CAST: variants seen among roughly 807,000 people sequenced by gnomAD.
CAST encodes MIR583 host.
In CAST, 76 loss-of-function variants were observed where a neutral mutation model predicts 119.6. The ratio of observed to expected loss-of-function variants is 0.64; its 90% CI spans 0.53 to 0.77. CAST has a LOEUF of 0.77. Ranked by LOEUF, CAST falls within the 30% of genes least tolerant of loss-of-function variation. CAST has a pLI of 0.00. For missense variants in CAST, 953 were observed against 946.5 expected (o/e 1.01, Z -0.09); for synonymous variants, 319 against 331.6 (o/e 0.96, Z 0.41).
chr5:96,371,786 T>C, the CAST span, among the ~76,000 whole-genome samples: 1 of 152,040 alleles, frequency 6.6e-6, no homozygotes, highest in African/African-American at 2.4e-5. Context: ...GCACTCCAGA[T>C]TTACAGGCTG....
chr5:96,068,844 T>C, the CAST span, among the ~76,000 whole-genome samples: 1 of 151,340 alleles, frequency 6.6e-6, no homozygotes, highest in East Asian at 2.0e-4. Context: ...TGTATATATA[T>C]ACACACACCT....
intron 9 of CAST, among the ~76,000 whole-genome samples, chr5:96,731,589 T>C (rs1317226254): frequency 2.7e-5 from 4 of 150,606 alleles, no homozygotes; most frequent in Admixed American, 2.7e-4. Flanking sequence ...GCCATGCTGG[T>C]GCGCTGCACC....
chr5:96,608,934 A>C (rs1747307128), intron 1 of CAST, among the ~76,000 whole-genome samples: 1 of 152,200 alleles, frequency 6.6e-6, no homozygotes, highest in African/African-American at 2.4e-5. Context: ...CCCATGATCT[A>C]ATAATCACCT....
chr5:96,766,171 G>A (rs368978124), intron 27 of CAST, 26 bp downstream of exon 27: 51 of 1,244,294 alleles, frequency 4.1e-5, no homozygotes, highest in Admixed American at 2.6e-4. Context: ...TTGCTAGATC[G>A]GATTTATGCT....
At chr5:96,337,875 C>T in the CAST span, among the ~76,000 whole-genome samples, 1 of 152,204 alleles carries the variant, frequency 6.6e-6, no homozygotes, top group Non-Finnish European at 1.5e-5. Context: ...TTAGCAAAGA[C>T]ATGAACCTAA....
chr5:96,433,109 C>T, the CAST span: 2 of 1,442,278 alleles, frequency 1.4e-6, no homozygotes, highest in African/African-American at 1.4e-5. Flanking sequence ...AGGAGAAAAG[C>T]CAGACAGACT....
the CAST span, among the ~76,000 whole-genome samples, chr5:95,983,302 C>A: frequency 9.9e-5 from 15 of 152,278 alleles, no homozygotes; most frequent in African/African-American, 3.6e-4. Context: ...GTGGTTGTTG[C>A]AAGAGGGCTC....
chr5:96,511,090 G>A, the CAST span, among the ~76,000 whole-genome samples: 45 of 152,058 alleles, frequency 3.0e-4, no homozygotes, highest in Non-Finnish European at 6.5e-4. Flanking sequence ...TCTCCTTCAT[G>A]AGTTAGTAAA....
intron 9 of CAST, among the ~76,000 whole-genome samples, chr5:96,735,210 T>C (rs1204940403): frequency 6.6e-6 from 1 of 152,212 alleles, no homozygotes; most frequent in African/African-American, 2.4e-5. Flanking sequence ...GTTTTCATAC[T>C]TCGTATAGAT....
chr5:96,102,593 A>G, the CAST span, among the ~76,000 whole-genome samples: 2 of 152,178 alleles, frequency 1.3e-5, no homozygotes, highest in African/African-American at 4.8e-5. Context: ...GAGTTTTGCC[A>G]GGGACCCGCC....
At chr5:96,703,555 C>T (rs1364579304) in intron 3 of CAST, among the ~76,000 whole-genome samples, 1 of 152,192 alleles carries the variant, frequency 6.6e-6, no homozygotes, top group African/African-American at 2.4e-5. Context: ...ATTTAACTTT[C>T]TCTTCTGTAT....
chr5:96,556,108 G>A (rs1189687363), intron 1 of CAST, among the ~76,000 whole-genome samples: 2 of 152,214 alleles, frequency 1.3e-5, no homozygotes, highest in Admixed American at 6.5e-5. Flanking sequence ...AGGGTCTGGA[G>A]TGGACCTCCA....
chr5:96,141,090 G>A, the CAST span, among the ~76,000 whole-genome samples: 1 of 152,106 alleles, frequency 6.6e-6, no homozygotes, highest in Admixed American at 6.6e-5. Context: ...TCAGATAAAT[G>A]TATATTCATT....
the CAST span, among the ~76,000 whole-genome samples, chr5:96,481,111 T>G: frequency 7.6e-5 from 6 of 79,054 alleles, no homozygotes; most frequent in African/African-American, 5.8e-4. Context: ...CAATCAAAGT[T>G]TTTTTTTTTT....
intron 1 of CAST, among the ~76,000 whole-genome samples, chr5:96,537,139 G>C (rs953703293): frequency 2.0e-5 from 3 of 152,206 alleles, no homozygotes; most frequent in Non-Finnish European, 4.4e-5. Flanking sequence ...CTGACTGCCT[G>C]CTGCCTTGTT....
At chr5:96,404,555 G>A in the CAST span, among the ~76,000 whole-genome samples, 1 of 152,124 alleles carries the variant, frequency 6.6e-6, no homozygotes, top group African/African-American at 2.4e-5. Context: ...ACAGCATATT[G>A]AGTAGTCTGC....
chr5:96,172,447 T>C, the CAST span, among the ~76,000 whole-genome samples: 3 of 152,334 alleles, frequency 2.0e-5, no homozygotes, highest in Middle Eastern at 3.4e-3. Context: ...TTATTGAATA[T>C]AACATTCTAG....
chr5:96,599,966 C>CAAAAAAAAAAAAAAAAAAAAAAA (rs74978713), intron 1 of CAST, among the ~76,000 whole-genome samples: 3 of 47,212 alleles, frequency 6.4e-5, no homozygotes, highest in African/African-American at 1.8e-4. Flanking sequence ...CTTCATTAGG[C>CAAAAAAAAAAAAAAAAAAAAAAA]AAAAAAAAAA....
At chr5:96,744,521 C>T (rs1478327783) in intron 16 of CAST, among the ~76,000 whole-genome samples, 1 of 152,178 alleles carries the variant, frequency 6.6e-6, no homozygotes, top group Non-Finnish European at 1.5e-5. Flanking sequence ...CCTCCCACGA[C>T]ACGTGGGAAT....
Sources: gnomAD v4.1 joint callset for allele counts (sites outside exome capture counted in the v4.1 genomes callset) on GRCh38, gnomAD v4.1.1 for gene constraint, MANE v1.5 for transcripts, NCBI Gene and HGNC (gene_info 2026-07-23, HGNC 2026-07-21) for gene names.